Variants in SCD5 observed in about 807,000 individuals in gnomAD.
SCD5 encodes acyl-CoA-desaturase 4.
A neutral mutation model predicts 30.4 loss-of-function variants in SCD5; 20 were observed. The observed-to-expected ratio is 0.66, with a 90% CI of 0.46 to 0.96. The LOEUF (loss-of-function observed/expected upper bound fraction) is 0.96. Ranked by LOEUF, SCD5 falls within the 40% of genes least tolerant of loss-of-function variation. The pLI is 0.00. For synonymous variants in SCD5, 173 were observed against 176.4 expected, an observed-to-expected ratio of 0.98 and a Z score of 0.16; for missense variants, 381 against 443.3, an observed-to-expected ratio of 0.86 and a Z score of 1.26.
intron 1 of SCD5, among the ~76,000 whole-genome samples, chr4:82,793,960 C>G (rs182922782): frequency 2.0e-5 from 3 of 152,226 alleles, no homozygotes; most frequent in South Asian, 4.1e-4. Flanking sequence ...AGAAGCACAA[C>G]CCAATGAAGA....
intron 2 of SCD5, chr4:82,698,200 A>G: frequency 2.2e-6 from 1 of 448,214 alleles, no homozygotes; most frequent in South Asian, 1.6e-5. Flanking sequence ...CATGGCTAGG[A>G]AAGGTGGCAA....
At chr4:82,684,564 G>A (rs1198061649) in intron 2 of SCD5, among the ~76,000 whole-genome samples, 1 of 152,124 alleles carries the variant, frequency 6.6e-6, no homozygotes, top group African/African-American at 2.4e-5. Context: ...TAGCATTTGT[G>A]TTGAAAAGGT....
At chr4:82,797,799 C>T (rs1347919084) in intron 1 of SCD5, among the ~76,000 whole-genome samples, 1 of 152,120 alleles carries the variant, frequency 6.6e-6, no homozygotes, top group East Asian at 1.9e-4. Flanking sequence ...TATCCTGTGC[C>T]GGGTCTCTCC....
At chr4:82,692,703 G>A (rs1313471294) in intron 2 of SCD5, among the ~76,000 whole-genome samples, 1 of 152,318 alleles carries the variant, frequency 6.6e-6, no homozygotes, top group East Asian at 1.9e-4. Flanking sequence ...TTAAGGTGAT[G>A]GAAAAGGCAA....
chr4:82,727,746 G>T (rs949346604), intron 1 of SCD5, among the ~76,000 whole-genome samples: 1 of 152,078 alleles, frequency 6.6e-6, no homozygotes, highest in African/African-American at 2.4e-5. Context: ...TCACTCTGTC[G>T]CCCAGACTGG....
chr4:82,703,436 C>A (rs1266663870), intron 2 of SCD5, among the ~76,000 whole-genome samples: 1 of 152,174 alleles, frequency 6.6e-6, no homozygotes, highest in Admixed American at 6.5e-5. Flanking sequence ...ATTATTTTAT[C>A]TTCCTAGCAA....
intron 1 of SCD5, among the ~76,000 whole-genome samples, chr4:82,716,148 G>C (rs545375622): frequency 2.6e-5 from 4 of 151,750 alleles, no homozygotes; most frequent in Admixed American, 2.6e-4. Flanking sequence ...CTTCTTCGAA[G>C]CCTCTTCCTT....
At chr4:82,733,959 C>T (rs1375096397) in intron 1 of SCD5, among the ~76,000 whole-genome samples, 2 of 152,168 alleles carry the variant, frequency 1.3e-5, no homozygotes. Context: ...GCCCTGCTTA[C>T]ACAGGTGCAA....
chr4:82,713,294 C>T (rs1012894871), intron 1 of SCD5, among the ~76,000 whole-genome samples: 1 of 150,452 alleles, frequency 6.6e-6, no homozygotes, highest in Non-Finnish European at 1.5e-5. Context: ...ACATACTGGG[C>T]AACTGCTACT....
At chr4:82,759,600 T>C (rs1391960761) in intron 1 of SCD5, among the ~76,000 whole-genome samples, 1 of 150,632 alleles carries the variant, frequency 6.6e-6, no homozygotes, top group Non-Finnish European at 1.5e-5. Context: ...GACCACTTGA[T>C]TTCAGGTGTT....
At chr4:82,707,148 C>T (rs377268913) in intron 1 of SCD5, among the ~76,000 whole-genome samples, 1 of 152,186 alleles carries the variant, frequency 6.6e-6, no homozygotes, top group East Asian at 1.9e-4. Context: ...ATGAAATATT[C>T]AGACAAAGAA....
At chr4:82,634,566 A>G (rs2148811235) in intron 4 of SCD5, among the ~76,000 whole-genome samples, 1 of 152,290 alleles carries the variant, frequency 6.6e-6, no homozygotes, top group African/African-American at 2.4e-5. Flanking sequence ...TCAGAAACAG[A>G]CATTATGATG....
intron 3 of SCD5, among the ~76,000 whole-genome samples, chr4:82,670,563 A>G (rs1247654624): frequency 2.0e-5 from 3 of 152,184 alleles, no homozygotes; most frequent in Non-Finnish European, 4.4e-5. Flanking sequence ...AATAGAAAAT[A>G]GTAACAAATA....
chr4:82,668,353 A>T (rs1229138256), intron 3 of SCD5, among the ~76,000 whole-genome samples: 1 of 152,082 alleles, frequency 6.6e-6, no homozygotes, highest in East Asian at 1.9e-4. Context: ...CTGTAGAGAG[A>T]GGGGCCCAGT....
intron 1 of SCD5, among the ~76,000 whole-genome samples, chr4:82,730,440 G>A (rs2148835283): frequency 6.6e-6 from 1 of 150,818 alleles, no homozygotes; most frequent in East Asian, 1.9e-4. Flanking sequence ...GGGATTACAG[G>A]CGCATGCCAC....
At chr4:82,744,291 T>G (rs1720940895) in intron 1 of SCD5, among the ~76,000 whole-genome samples, 1 of 152,230 alleles carries the variant, frequency 6.6e-6, no homozygotes, top group East Asian at 1.9e-4. Flanking sequence ...TTCTTTTTAC[T>G]TATATTATCC....
chr4:82,758,803 G>A (rs1721284421), intron 1 of SCD5, among the ~76,000 whole-genome samples: 2 of 152,162 alleles, frequency 1.3e-5, no homozygotes. Context: ...GCTCAGGAAA[G>A]AAGGACTGAC....
chr4:82,710,613 GGTGACC>G lies in SCD5; in HGVS notation c.233-5206_233-5201del, dbSNP rs1720062675. Among the ~76,000 whole-genome samples the G allele has an allele frequency of 6.6e-5, 10 of 152,228 alleles. No individual in the cohort carries two copies. In the South Asian group the frequency reaches 1.9e-3, roughly 28 times the overall value. ...AGAGGGTGAAGGCTTCTTGGGAGAG[GGTGACC>G]CCTGGGTTGAGGAGGGGGAACATGG... On this transcript the variant is annotated intron_variant, in intron 1 of 4. Transcript: ENST00000319540.
Position 82,630,136 on chromosome 4 carries a change from T to C in SCD5, c.*1191A>G, listed in dbSNP as rs558240307. 1 of 152,146 alleles carries C rather than the reference T, an allele frequency of 6.6e-6. No individual in the cohort carries two copies. Among genetic ancestry groups the C allele is most frequent in the Non-Finnish European group, 1.5e-5 (1 of 68,024 alleles). 9.4% of individuals were successfully genotyped at this position (152,146 alleles called of 1,614,324 possible). A position where few individuals can be genotyped will look rare whatever the true frequency, so the allele number is the denominator to read the frequency against. On this transcript the variant is annotated 3_prime_UTR_variant, in exon 5 of 5. Transcript: ENST00000319540. ...GAGTTATACACCTTTAAGATAACAATAGCAAACAGAACAAAATCAAACATC... is the reference window on the plus strand; with the variant it reads ...GAGTTATACACCTTTAAGATAACAACAGCAAACAGAACAAAATCAAACATC...
Sources: gnomAD v4.1 joint callset for allele counts (sites outside exome capture counted in the v4.1 genomes callset) on GRCh38, gnomAD v4.1.1 for gene constraint, MANE v1.5 for transcripts, NCBI Gene and HGNC (gene_info 2026-07-23, HGNC 2026-07-21) for gene names.